The following BANK1 variants were observed in gnomAD, a reference collection of about 807,000 sequenced individuals.
BANK1 encodes the protein B cell scaffold protein with ankyrin repeats 1.
BANK1 carries 95 observed loss-of-function variants against 94.5 expected under a neutral mutation model. That is an observed-to-expected ratio of 1.00 (90% CI 0.85 to 1.19). The LOEUF (loss-of-function observed/expected upper bound fraction) is 1.19, where lower values mean the gene tolerates loss of function less well. Ranked by LOEUF, BANK1 falls within the 50% of genes most tolerant of loss-of-function variation. The probability of loss-of-function intolerance (pLI) is 0.00; values close to 1 mark genes in which losing one functional copy is unlikely to be tolerated. For missense variants in BANK1, 987 were observed against 932.2 expected, an observed-to-expected ratio of 1.06 and a Z score of -0.77; for synonymous variants, 334 against 308.4, an observed-to-expected ratio of 1.08 and a Z score of -0.87.
chr4:101,955,731 T>G (rs1284158275), intron 7 of BANK1, among the ~76,000 whole-genome samples: 1 of 152,178 alleles, frequency 6.6e-6, no homozygotes, highest in Non-Finnish European at 1.5e-5. Flanking sequence ...AAGTCCCATG[T>G]AAAAACCTAT....
intron 6 of BANK1, among the ~76,000 whole-genome samples, chr4:101,912,641 A>C (rs140444964): frequency 0.026 from 3,869 of 148,290 alleles, 180 homozygotes; most frequent in African/African-American, 0.091. Flanking sequence ...TAAATATATA[A>C]ATAAATATAA....
At chr4:101,857,984 C>T (rs2148875599) in intron 3 of BANK1, among the ~76,000 whole-genome samples, 1 of 152,234 alleles carries the variant, frequency 6.6e-6, no homozygotes, top group East Asian at 1.9e-4. Flanking sequence ...GATGTGAGTT[C>T]TAGGTCTCCC....
chr4:102,059,036 T>A (rs1728327576), intron 11 of BANK1, among the ~76,000 whole-genome samples: 1 of 152,172 alleles, frequency 6.6e-6, no homozygotes, highest in African/African-American at 2.4e-5. Context: ...TTCAGACATA[T>A]AACATTTGCT....
At chr4:101,982,201 G>T (rs1000985601) in intron 7 of BANK1, among the ~76,000 whole-genome samples, 9 of 151,224 alleles carry the variant, frequency 6.0e-5, no homozygotes, top group African/African-American at 2.2e-4. Flanking sequence ...TATATTTTAT[G>T]GTGTCTTTTT....
At chr4:102,050,820 A>AAT (rs1728023162) in intron 11 of BANK1, among the ~76,000 whole-genome samples, 1 of 77,908 alleles carries the variant, frequency 1.3e-5, no homozygotes. Context: ...AAAATGAAAG[A>AAT]ACATTTATTT....
chr4:101,842,773 T>C (rs181530236), intron 2 of BANK1, among the ~76,000 whole-genome samples: 6 of 152,356 alleles, frequency 3.9e-5, no homozygotes, highest in African/African-American at 1.4e-4. Context: ...GCTGAGCTAA[T>C]GCTGTCACAG....
At chr4:102,004,274 T>C (rs955775507) in intron 7 of BANK1, among the ~76,000 whole-genome samples, 1 of 152,156 alleles carries the variant, frequency 6.6e-6, no homozygotes, top group South Asian at 2.1e-4. Flanking sequence ...CAACCTATAA[T>C]ATCTAGGACT....
chr4:101,927,980 C>T (rs1185103310), intron 7 of BANK1, among the ~76,000 whole-genome samples: 1 of 151,620 alleles, frequency 6.6e-6, no homozygotes, highest in Non-Finnish European at 1.5e-5. Context: ...TGGACAGCCA[C>T]ATTAAATGCT....
chr4:101,844,603 A>G (rs1727177592), intron 2 of BANK1, among the ~76,000 whole-genome samples: 1 of 152,246 alleles, frequency 6.6e-6, no homozygotes, highest in Non-Finnish European at 1.5e-5. Context: ...GTTTGGAGTC[A>G]GACAGACCTG....
intron 6 of BANK1, among the ~76,000 whole-genome samples, chr4:101,902,433 A>C (rs1722317508): frequency 6.6e-6 from 1 of 152,114 alleles, no homozygotes; most frequent in Admixed American, 6.5e-5. Context: ...TTAGCATGTA[A>C]TTTTCAATTT....
chr4:101,908,800 G>C (rs1201553558), intron 6 of BANK1, among the ~76,000 whole-genome samples: 17 of 152,208 alleles, frequency 1.1e-4, no homozygotes, highest in Non-Finnish European at 4.4e-5. Flanking sequence ...ACAGACACAT[G>C]AGAAAATGCT....
chr4:101,886,761 T>TG (rs11452529), intron 5 of BANK1, among the ~76,000 whole-genome samples: 6,179 of 134,860 alleles, frequency 0.046, 188 homozygotes, highest in East Asian at 0.15. Context: ...AACAATATAT[T>TG]GGGGGGGGGG....
chr4:101,996,909 A>T (rs911858024), intron 7 of BANK1, among the ~76,000 whole-genome samples: 2 of 152,096 alleles, frequency 1.3e-5, no homozygotes, highest in Admixed American at 1.3e-4. Context: ...TTCCTATTTG[A>T]ATACCCTTTT....
chr4:102,062,730 C>G (rs1486062287), intron 12 of BANK1: 1 of 232,526 alleles, frequency 4.3e-6, no homozygotes, highest in Non-Finnish European at 8.6e-6. Context: ...CCAATACAGA[C>G]CCCACAAGAA....
Position 102,030,207 on chromosome 4 carries a change from C to T in BANK1, c.1842C>T (p.Pro614=). 6.2e-7 allele frequency: 1 copy of T among 1,613,092 alleles called. No homozygotes were observed. The highest frequency in any genetic ancestry group is 8.5e-7 in the Non-Finnish European group (1 of 1,179,718). Reference sequence around the variant, plus strand: ...TCATTATAAATAGACCTCCTGCCCCCACACCCCGACCCACAAGTATACCTC... The same window carrying T: ...TCATTATAAATAGACCTCCTGCCCCTACACCCCGACCCACAAGTATACCTC... ...RSFIINRPPA[P]TPRPTSIPPK... Residue 614 remains proline, a synonymous_variant, in exon 10 of 17, where the codon CCC becomes CCT. Coordinates refer to ENST00000322953, the MANE Select transcript of BANK1 (RefSeq NM_017935.5).
chr4:101,869,569 A>C (rs1728207168), intron 4 of BANK1, among the ~76,000 whole-genome samples: 1 of 151,950 alleles, frequency 6.6e-6, no homozygotes, highest in Non-Finnish European at 1.5e-5. Flanking sequence ...GCAATATTAT[A>C]AGAAGTCCTT....
intron 1 of BANK1, among the ~76,000 whole-genome samples, chr4:101,803,631 A>G (rs1007307126): frequency 5.9e-5 from 9 of 152,210 alleles, no homozygotes; most frequent in Non-Finnish European, 1.3e-4. Context: ...ATTTTTTTCA[A>G]TAAATATATT....
intron 13 of BANK1, among the ~76,000 whole-genome samples, chr4:102,063,481 G>A (rs184787174): frequency 5.5e-4 from 83 of 151,972 alleles, no homozygotes; most frequent in Admixed American, 4.6e-3. Flanking sequence ...TGATGTCTAT[G>A]TAAGTTGCAA....
intron 1 of BANK1, among the ~76,000 whole-genome samples, chr4:101,824,755 C>T (rs1226015971): frequency 6.6e-6 from 1 of 151,402 alleles, no homozygotes; most frequent in Non-Finnish European, 1.5e-5. Flanking sequence ...ATGCATTATG[C>T]AATCTTTTTC....
Sources: gnomAD v4.1 joint callset for allele counts (sites outside exome capture counted in the v4.1 genomes callset) on GRCh38, gnomAD v4.1.1 for gene constraint, MANE v1.5 for transcripts, NCBI Gene and HGNC (gene_info 2026-07-23, HGNC 2026-07-21) for gene names.